Variants in ABCA5 observed in about 807,000 individuals in gnomAD.
ABCA5 encodes ATP binding cassette subfamily A member 5, also known as cholesterol transporter ABCA5.
ABCA5 carries 163 observed loss-of-function variants against 206.0 expected under a neutral mutation model. The observed-to-expected ratio is 0.79, with a 90% CI of 0.70 to 0.90. ABCA5 has a LOEUF of 0.90. ABCA5 is among the 40% of genes least tolerant of loss of function. The probability of loss-of-function intolerance (pLI) is 0.00; values close to 1 mark genes in which losing one functional copy is unlikely to be tolerated. For missense variants in ABCA5, 1,859 were observed against 1,912.9 expected (o/e 0.97, Z 0.53); for synonymous variants, 609 against 613.8 (o/e 0.99, Z 0.11).
Position 69,301,183 on chromosome 17 carries a change from A to G in ABCA5, c.1223T>C (p.Ile408Thr), listed in dbSNP as rs1246434980. ...ITIIMLTLNSIFYVLLAVYLD... is the reference protein window; with the variant it reads ...ITIIMLTLNSTFYVLLAVYLD... Reference sequence around the variant, plus strand: ...ATAGACAGCCAAGAGGACATAGAATATACTATTAAGTGTGAGCATGATAAT... The same window carrying G: ...ATAGACAGCCAAGAGGACATAGAATGTACTATTAAGTGTGAGCATGATAAT... Residue 408 changes from isoleucine (I) to threonine (T), a missense_variant, in exon 9 of 39, where the codon ATA becomes ACA. Ile to Thr is a moderately conservative substitution (Grantham distance 89, BLOSUM62 -1). Transcript: ENST00000392676. 1.9e-6 allele frequency: 3 copies of G among 1,593,284 alleles called. No homozygotes were observed. The highest frequency in any genetic ancestry group is 8.5e-7 in the Non-Finnish European group (1 of 1,173,942).
chr17:69,293,832 T>TGG (rs1201389161), intron 11 of ABCA5, among the ~76,000 whole-genome samples: 6 of 111,006 alleles, frequency 5.4e-5, no homozygotes, highest in East Asian at 2.5e-4. Flanking sequence ...ACAATCATAC[T>TGG]GGTGTGTGTG....
chr17:69,250,440 A>C (rs375421469), intron 36 of ABCA5, 32 bp downstream of exon 36: 1 of 1,578,640 alleles, frequency 6.3e-7, no homozygotes, highest in South Asian at 1.2e-5. Context: ...TTGCTCTATA[A>C]AGAAATATAA....
intron 37 of ABCA5, chr17:69,249,273 G>A (rs1475257177): frequency 6.6e-6 from 1 of 152,056 alleles, no homozygotes; most frequent in Non-Finnish European, 1.5e-5. Flanking sequence ...GTTTATAAAT[G>A]CCATAAAATA....
intron 20 of ABCA5, 49 bp from the exon 21 acceptor site, chr17:69,271,338 T>C: frequency 6.5e-7 from 1 of 1,536,006 alleles, no homozygotes; most frequent in Non-Finnish European, 8.8e-7. Flanking sequence ...TAAACGAGGC[T>C]TTTAGTAACA....
At chr17:69,260,632 C>T (rs901474737) in intron 26 of ABCA5, among the ~76,000 whole-genome samples, 1 of 151,912 alleles carries the variant, frequency 6.6e-6, no homozygotes, top group Middle Eastern at 3.4e-3. Flanking sequence ...AAAAGGGAAG[C>T]AGGGGTAGTA....
In ABCA5 at chr17:69,289,043, G is replaced by A. The variant is rs527537176; in HGVS notation, c.1902+134C>T. On this transcript the variant is annotated intron_variant, in intron 14 of 38. Transcript: ENST00000392676. ...TTCACTTTTAAAATCTCATTACTAT[G>A]ATTATATCCATAATAACATACAGCA... 2.1e-3 allele frequency: 1,753 copies of A among 851,922 alleles called. 4 individuals carry two copies. The highest frequency in any genetic ancestry group is 2.5e-3 in the Non-Finnish European group (1,539 of 610,176). 52.8% of individuals were successfully genotyped at this position (851,922 alleles called of 1,614,324 possible). A position where few individuals can be genotyped will look rare whatever the true frequency, so the allele number is the denominator to read the frequency against.
In ABCA5 at chr17:69,285,946, G is replaced by A. The variant is rs776974219; in HGVS notation, c.2224C>T (p.Gln742Ter). The change falls in exon 17 of 39, where the codon CAA (glutamine) becomes TAA (stop). Residue 742 changes from glutamine (Q) to a stop codon, truncating the protein, a stop_gained. Transcript: ENST00000392676. LOFTEE classifies it high-confidence loss of function. ...AAAGGCAAGCTATACACAAGTTGTT[G>A]GTCATTCTGTTGTAATAAAGTAGCT... ...PGATLLQQND[Q>*]QLVYSLPFKD... 1.2e-6 allele frequency: 2 copies of A among 1,613,094 alleles called. No homozygotes were observed. The highest frequency in any genetic ancestry group is 2.2e-5 in the East Asian group (1 of 44,776).
intron 2 of ABCA5, among the ~76,000 whole-genome samples, chr17:69,313,953 G>A (rs2075793059): frequency 6.6e-6 from 1 of 152,000 alleles, no homozygotes; most frequent in Non-Finnish European, 1.5e-5. Flanking sequence ...TAATACTCAT[G>A]GGCAACTCAA....
intron 18 of ABCA5, among the ~76,000 whole-genome samples, chr17:69,280,141 A>G (rs1436307470): frequency 6.6e-6 from 1 of 152,068 alleles, no homozygotes; most frequent in Non-Finnish European, 1.5e-5. Context: ...TCATCTGACA[A>G]AGGGCTAATA....
rs1192188133 is a variant in ABCA5 at position 69,326,239 on chromosome 17, T to C, written c.-16+813A>G. On this transcript the variant is annotated intron_variant, in intron 1 of 38. Transcript: ENST00000392676. This position sits in a 1 kb window ranked among gnomAD's most constrained non-coding sequence, Gnocchi z 4.8. ...CAATCCTACAGGGTTGCTGTCAGAATGAAAAGAGCTAATACCGAGCCTGGC... is the reference window on the plus strand; with the variant it reads ...CAATCCTACAGGGTTGCTGTCAGAACGAAAAGAGCTAATACCGAGCCTGGC... Among the ~76,000 whole-genome samples the C allele has an allele frequency of 6.6e-6, 1 of 152,218 alleles. No individual in the cohort carries two copies. The highest frequency in any genetic ancestry group is 2.4e-5 in the African/African-American group (1 of 41,466).
chr17:69,280,068 A>G (rs1195944222), intron 18 of ABCA5, among the ~76,000 whole-genome samples: 2 of 152,186 alleles, frequency 1.3e-5, no homozygotes, highest in African/African-American at 2.4e-5. Flanking sequence ...CTGCACAGCA[A>G]AAGAAACTAC....
chr17:69,305,925 CAAAGG>C (rs1249480098), intron 6 of ABCA5, among the ~76,000 whole-genome samples: 1 of 151,948 alleles, frequency 6.6e-6, no homozygotes, highest in African/African-American at 2.4e-5. Flanking sequence ...GAAAAACAAG[CAAAGG>C]AAATATGTTA....
chr17:69,316,785 T>G (rs1476716034), intron 1 of ABCA5: 1 of 152,196 alleles, frequency 6.6e-6, no homozygotes, highest in African/African-American at 2.4e-5. Context: ...AGAACAATGA[T>G]GTATTACCTA....
chr17:69,307,103 C>T (rs2075726206), intron 5 of ABCA5, 149 bp from the exon 6 acceptor site: 1 of 411,528 alleles, frequency 2.4e-6, no homozygotes, highest in African/African-American at 2.1e-5. Flanking sequence ...AAGTGAGTGA[C>T]CCCAATATCA....
At chr17:69,273,444 T>TA (rs2074334360) in intron 20 of ABCA5, among the ~76,000 whole-genome samples, 2 of 139,600 alleles carry the variant, frequency 1.4e-5, no homozygotes. Context: ...TAAATTTTTT[T>TA]AACTATTTAT....
rs563633572 is a variant in ABCA5 at position 69,307,634 on chromosome 17, C to T, written c.558+646G>A. ...ATTGAATTTGTGCAATATTACACGT[C>T]CCTAATATGTTTATACTGTACTACA... On this transcript the variant is annotated intron_variant, in intron 5 of 38. Transcript: ENST00000392676. 1.6e-4 allele frequency among the ~76,000 whole-genome samples: 25 copies of T among 152,148 alleles called. 2 individuals carry two copies. In the South Asian group the frequency reaches 3.9e-3, roughly 24 times the overall value.
At chr17:69,253,060 T>C (rs750034476) in intron 34 of ABCA5, among the ~76,000 whole-genome samples, 11 of 152,160 alleles carry the variant, frequency 7.2e-5, no homozygotes, top group Non-Finnish European at 1.5e-4. Flanking sequence ...TACAGATTTA[T>C]AGCCTAGGAG....
chr17:69,304,750 G>A lies in ABCA5; in HGVS notation c.849C>T (p.Val283=), dbSNP rs2075699202. 1 of 1,609,580 alleles carries A rather than the reference G, an allele frequency of 6.2e-7. No homozygotes were observed. The highest frequency in any genetic ancestry group is 8.5e-7 in the Non-Finnish European group (1 of 1,177,618). ...GAAATAACAAAGAAGCTGTCGCAAT[G>A]ACTGCCATAAGAAGGGACATAAGAA... is the stretch of plus-strand genomic sequence containing the variant. The part of the protein sequence containing the change: ...LIFLMSLLMA[V]IATASLLFPQ... Residue 283 remains valine, a synonymous_variant, in exon 7 of 39, where the codon GTC becomes GTT. Coordinates refer to ENST00000392676, the MANE Select transcript of ABCA5 (RefSeq NM_172232.4).
At chr17:69,255,515 A>G in intron 31 of ABCA5, 28 bp downstream of exon 31, 1 of 1,311,188 alleles carries the variant, frequency 7.6e-7, no homozygotes, top group Non-Finnish European at 1.0e-6. Context: ...ATCACATTCA[A>G]CATATCCTAT....
Sources: gnomAD v4.1 joint callset for allele counts (sites outside exome capture counted in the v4.1 genomes callset) on GRCh38, gnomAD v4.1.1 for gene constraint, Gnocchi (gnomAD v3.1) non-coding constraint, MANE v1.5 for transcripts, NCBI Gene and HGNC (gene_info 2026-07-23, HGNC 2026-07-21) for gene names.